The following MYO3B variants were observed in gnomAD, a reference collection of about 807,000 sequenced individuals.
MYO3B encodes myosin-IIIb.
MYO3B carries 156 observed loss-of-function variants against 174.6 expected under a neutral mutation model. That is an observed-to-expected ratio of 0.89 (90% CI 0.78 to 1.02). The LOEUF is 1.02. Ranked by LOEUF, MYO3B falls within the 50% of genes least tolerant of loss-of-function variation. MYO3B has a pLI of 0.00. For synonymous variants in MYO3B, 563 were observed against 569.1 expected (o/e 0.99, Z 0.15); for missense variants, 1,632 against 1,639.4 (o/e 1.00, Z 0.08).
At chr2:170,200,701 A>C (rs2092652258) in intron 3 of MYO3B, among the ~76,000 whole-genome samples, 1 of 152,172 alleles carries the variant, frequency 6.6e-6, no homozygotes, top group South Asian at 2.1e-4. Context: ...GTTTCCTGAA[A>C]ACTGACTCTG....
intron 32 of MYO3B, among the ~76,000 whole-genome samples, chr2:170,549,895 C>G (rs1303735014): frequency 1.3e-5 from 2 of 152,184 alleles, no homozygotes; most frequent in Non-Finnish European, 2.9e-5. Context: ...GACAGCAATG[C>G]TATGATCATA....
chr2:170,357,354 T>A (rs1415285292), intron 8 of MYO3B, among the ~76,000 whole-genome samples: 2 of 143,802 alleles, frequency 1.4e-5, no homozygotes, highest in East Asian at 2.0e-4. Context: ...TATATATATT[T>A]TATATATTAT....
At chr2:170,638,350 G>A (rs748415780) in intron 32 of MYO3B, among the ~76,000 whole-genome samples, 8 of 152,202 alleles carry the variant, frequency 5.3e-5, no homozygotes, top group Admixed American at 1.3e-4. Flanking sequence ...GACCCAGAAA[G>A]TGGTTCAGGG....
At position 170,480,141 on chromosome 2, in the gene MYO3B, C is replaced by A. The variant is rs7569967; in HGVS notation, c.3014+13430C>A. On this transcript the variant is annotated intron_variant, in intron 25 of 34. Transcript: ENST00000408978. ...GTTCCTGGCTCATAACTCCCATAAC[C>A]CTTATTACAGTCTTTTGTTTATAAT... Among the ~76,000 whole-genome samples the A allele has an allele frequency of 6.3e-3, 959 of 151,834 alleles. 9 individuals carry two copies. Among genetic ancestry groups the A allele is most frequent in the African/African-American group, 0.022 (909 of 41,412 alleles).
rs181744592 is a variant in MYO3B, at chr2:170,486,548, G to A, written c.3015-12044G>A. Reference sequence around the variant, plus strand: ...ACTCCTGACCTCAGGTGATCCGCCCGCCTCGGCCTCCCAGAGTGCTGGGAT... The same window carrying A: ...ACTCCTGACCTCAGGTGATCCGCCCACCTCGGCCTCCCAGAGTGCTGGGAT... On this transcript the variant is annotated intron_variant, in intron 25 of 34. Transcript: ENST00000408978. 3.8e-3 allele frequency among the ~76,000 whole-genome samples: 583 copies of A among 152,160 alleles called. 2 individuals are homozygous for A. Among genetic ancestry groups the A allele is most frequent in the African/African-American group, 0.013 (549 of 41,518 alleles).
intron 32 of MYO3B, among the ~76,000 whole-genome samples, chr2:170,585,533 G>A (rs1693448397): frequency 6.6e-6 from 1 of 152,068 alleles, no homozygotes; most frequent in African/African-American, 2.4e-5. Context: ...ACACCTTTTT[G>A]TAGTTTTTCA....
At chr2:170,276,903 A>G (rs368980764) in intron 7 of MYO3B, among the ~76,000 whole-genome samples, 22 of 152,330 alleles carry the variant, frequency 1.4e-4, no homozygotes, top group East Asian at 5.8e-4. Context: ...AAAGGCAAGG[A>G]TAGTTCCCCT....
intron 22 of MYO3B, among the ~76,000 whole-genome samples, chr2:170,438,245 T>C (rs994907516): frequency 1.3e-5 from 2 of 152,200 alleles, no homozygotes; most frequent in Non-Finnish European, 2.9e-5. Flanking sequence ...CATGTTGTAG[T>C]GTATGGCAGG....
intron 1 of MYO3B, among the ~76,000 whole-genome samples, chr2:170,189,416 C>T (rs957341475): frequency 2.6e-5 from 4 of 151,622 alleles, no homozygotes; most frequent in African/African-American, 9.7e-5. Flanking sequence ...AACATTCTAC[C>T]CCTTTCTCTC....
rs777064807 is a variant in MYO3B at position 170,463,446 on chromosome 2, G to C, written c.2808+1G>C. On this transcript the variant is annotated splice_donor_variant, in intron 24 of 34. Transcript: ENST00000408978. LOFTEE classifies it high-confidence loss of function. ...GCAAACTGTGGCTTCTTACTTCCGG[G>C]TATGGAGTCTTCTTGATCTCTATTC... 1 of 1,613,768 alleles carries C rather than the reference G, an allele frequency of 6.2e-7. No homozygotes were observed. The highest frequency in any genetic ancestry group is 1.7e-5 in the Admixed American group (1 of 59,998).
intron 3 of MYO3B, among the ~76,000 whole-genome samples, chr2:170,201,898 T>G (rs1312170642): frequency 1.3e-5 from 2 of 152,176 alleles, no homozygotes; most frequent in African/African-American, 4.8e-5. Context: ...AACCTCAGTT[T>G]CTGCTTATTT....
chr2:170,239,577 C>T (rs2093108527), intron 7 of MYO3B, among the ~76,000 whole-genome samples: 1 of 152,210 alleles, frequency 6.6e-6, no homozygotes, highest in African/African-American at 2.4e-5. Flanking sequence ...AGAATGTTTT[C>T]AGGATTCTCA....
At chr2:170,332,622 G>A (rs182413991) in intron 7 of MYO3B, among the ~76,000 whole-genome samples, 2 of 152,266 alleles carry the variant, frequency 1.3e-5, no homozygotes, top group Non-Finnish European at 2.9e-5. Flanking sequence ...TGAACTCCAG[G>A]AAAGGCAGGA....
intron 32 of MYO3B, among the ~76,000 whole-genome samples, chr2:170,564,431 C>G (rs1027463638): frequency 6.6e-6 from 1 of 152,168 alleles, no homozygotes; most frequent in Non-Finnish European, 1.5e-5. Context: ...TGAGATCGCA[C>G]CACTGCACTC....
intron 28 of MYO3B, among the ~76,000 whole-genome samples, chr2:170,506,333 C>T (rs1050870571): frequency 1.3e-5 from 2 of 152,222 alleles, no homozygotes; most frequent in Non-Finnish European, 2.9e-5. Flanking sequence ...TTTCTCCTAG[C>T]CTTTTCAAAA....
chr2:170,422,843 A>G (rs990909740), intron 22 of MYO3B, among the ~76,000 whole-genome samples: 3 of 152,100 alleles, frequency 2.0e-5, no homozygotes, highest in African/African-American at 7.2e-5. Flanking sequence ...CATATATCAA[A>G]AGTATTATTC....
At chr2:170,507,266 T>C (rs1416152943) in intron 28 of MYO3B, among the ~76,000 whole-genome samples, 2 of 152,170 alleles carry the variant, frequency 1.3e-5, no homozygotes, top group East Asian at 3.8e-4. Flanking sequence ...CCCCCCCATC[T>C]TCTAAACCTT....
At chr2:170,556,638 C>T (rs1229581771) in intron 32 of MYO3B, among the ~76,000 whole-genome samples, 2 of 152,160 alleles carry the variant, frequency 1.3e-5, no homozygotes, top group Non-Finnish European at 2.9e-5. Flanking sequence ...TCTCCTGCCT[C>T]AGCTTCCCAA....
intron 32 of MYO3B, among the ~76,000 whole-genome samples, chr2:170,627,993 G>T (rs1247965100): frequency 6.6e-6 from 1 of 152,170 alleles, no homozygotes; most frequent in Admixed American, 6.5e-5. Flanking sequence ...GCTACTCGGG[G>T]GTCAGGGACC....
Sources: allele counts gnomAD v4.1 joint callset (sites outside exome capture counted in the v4.1 genomes callset), GRCh38; gene constraint gnomAD v4.1.1; transcripts MANE v1.5; gene names NCBI Gene and HGNC (gene_info 2026-07-23, HGNC 2026-07-21).